Variants in WWOX observed in about 807,000 individuals in gnomAD.
The protein encoded by WWOX is WW domain containing oxidoreductase, also known as WW domain-containing oxidoreductase.
WWOX carries 69 observed loss-of-function variants against 46.2 expected under a neutral mutation model. The observed-to-expected ratio is 1.49, with a 90% CI of 1.23 to 1.82. WWOX has a LOEUF of 1.82. Ranked by LOEUF, WWOX falls within the 40% of genes most tolerant of loss-of-function variation. The pLI is 0.00. For missense variants in WWOX, 919 were observed against 542.6 expected, an observed-to-expected ratio of 1.69 and a Z score of -6.89; for synonymous variants, 359 against 202.6, an observed-to-expected ratio of 1.77 and a Z score of -6.56.
intron 8 of WWOX, among the ~76,000 whole-genome samples, chr16:79,202,015 T>C (rs1020722742): frequency 6.6e-6 from 1 of 152,060 alleles, no homozygotes; most frequent in African/African-American, 2.4e-5. Flanking sequence ...AGAGCAGAGA[T>C]TGACAAACTA....
chr16:78,750,812 A>G (rs1249388813), intron 8 of WWOX, among the ~76,000 whole-genome samples: 1 of 152,166 alleles, frequency 6.6e-6, no homozygotes, highest in Non-Finnish European at 1.5e-5. Context: ...CGTTGCTGCA[A>G]AGAACATGAT....
chr16:78,649,477 C>G (rs1007534391), intron 8 of WWOX, among the ~76,000 whole-genome samples: 1 of 151,792 alleles, frequency 6.6e-6, no homozygotes, highest in Non-Finnish European at 1.5e-5. Context: ...GGGTATTACT[C>G]TGTTGCCCAG....
At chr16:78,929,347 A>G (rs150113219) in intron 8 of WWOX, among the ~76,000 whole-genome samples, 3 of 152,076 alleles carry the variant, frequency 2.0e-5, no homozygotes, top group African/African-American at 7.2e-5. Flanking sequence ...TTCAGTTTCT[A>G]TATAGTGCAT....
intron 8 of WWOX, among the ~76,000 whole-genome samples, chr16:78,778,205 C>G (rs1295506008): frequency 6.6e-6 from 1 of 152,120 alleles, no homozygotes; most frequent in Non-Finnish European, 1.5e-5. Flanking sequence ...GATTTCCTAG[C>G]CATACCAGGC....
intron 5 of WWOX, among the ~76,000 whole-genome samples, chr16:78,175,237 A>G (rs2035301479): frequency 6.6e-6 from 1 of 152,056 alleles, no homozygotes; most frequent in African/African-American, 2.4e-5. Flanking sequence ...AGGGGGGTTC[A>G]TCTGGAGCTA....
chr16:79,207,764 A>C (rs1217321318), intron 8 of WWOX, among the ~76,000 whole-genome samples: 1 of 149,760 alleles, frequency 6.7e-6, no homozygotes, highest in African/African-American at 2.4e-5. Context: ...TAACCAATGC[A>C]TTACAAATAT....
chr16:78,982,067 A>G (rs1032543503), intron 8 of WWOX, among the ~76,000 whole-genome samples: 9 of 150,570 alleles, frequency 6.0e-5, no homozygotes, highest in Non-Finnish European at 3.0e-5. Flanking sequence ...TGTCTGTAGG[A>G]TTTGGCCCAT....
intron 8 of WWOX, among the ~76,000 whole-genome samples, chr16:79,165,861 A>G (rs1194839685): frequency 6.6e-6 from 1 of 152,188 alleles, no homozygotes; most frequent in African/African-American, 2.4e-5. Context: ...GTTATAACTC[A>G]GTCTAAGCAC....
chr16:78,837,318 C>T (rs187814114), intron 8 of WWOX, among the ~76,000 whole-genome samples: 42 of 152,264 alleles, frequency 2.8e-4, no homozygotes, highest in Non-Finnish European at 5.3e-4. Context: ...GAGAAGTGAA[C>T]GAGGCAGTGA....
intron 8 of WWOX, among the ~76,000 whole-genome samples, chr16:79,171,505 A>C (rs374312440): frequency 1.3e-5 from 2 of 152,136 alleles, no homozygotes; most frequent in Admixed American, 1.3e-4. Context: ...GAATTTAAAC[A>C]TTCCTTTTTT....
chr16:78,905,288 A>C (rs1455570091), intron 8 of WWOX, among the ~76,000 whole-genome samples: 1 of 152,206 alleles, frequency 6.6e-6, no homozygotes, highest in African/African-American at 2.4e-5. Context: ...GCCCACACAT[A>C]TTTACTTCCA....
intron 8 of WWOX, among the ~76,000 whole-genome samples, chr16:78,989,338 G>A (rs1309529973): frequency 6.6e-6 from 1 of 152,164 alleles, no homozygotes; most frequent in Non-Finnish European, 1.5e-5. Context: ...ATATATGTCT[G>A]ATGAACTCAT....
intron 8 of WWOX, among the ~76,000 whole-genome samples, chr16:78,523,767 T>TA (rs1328744031): frequency 6.6e-6 from 1 of 152,180 alleles, no homozygotes; most frequent in Admixed American, 6.5e-5. Flanking sequence ...ACGTCTGATT[T>TA]ATGAGAGCAT....
rs147685672 is a variant in WWOX, at chr16:78,215,119, C to T, written c.516+50830C>T. Among the ~76,000 whole-genome samples, 782 of 152,232 alleles carry T rather than the reference C, an allele frequency of 5.1e-3. 6 individuals carry two copies. Among genetic ancestry groups the T allele is most frequent in the Non-Finnish European group, 6.2e-3 (425 of 68,008 alleles). On this transcript the variant is annotated intron_variant, in intron 5 of 8. Coordinates refer to ENST00000566780, the MANE Select transcript of WWOX (RefSeq NM_016373.4). Reference sequence around the variant, plus strand: ...GAGGATGGAAGATTGCATGATATTTCTGGCTTTGCTCTTTGACTGTGTGCT... The same window carrying T: ...GAGGATGGAAGATTGCATGATATTTTTGGCTTTGCTCTTTGACTGTGTGCT...
At position 78,115,038 on chromosome 16, in the gene WWOX, C is replaced by T. The variant is rs144601717; in HGVS notation, c.293C>T (p.Pro98Leu). The change falls in exon 4 of 9, where the codon CCG becomes CTG. Residue 98 changes from proline (P) to leucine (L), a missense_variant. Pro to Leu is a moderately conservative substitution (Grantham distance 98). Transcript: ENST00000566780. ...PRLAFTVDDN[P>L]TKPTTRQRYD... ...CTGGCGTTTACTGTGGATGATAATC[C>T]GACCAAGCCAACCACCCGGCAAAGA... The T allele has an allele frequency of 0.014, 22,721 of 1,614,118 alleles. 192 individuals are homozygous for T. Among genetic ancestry groups the T allele is most frequent in the Middle Eastern group, 0.023 (142 of 6,062 alleles).
At chr16:78,594,198 A>C (rs551089882) in intron 8 of WWOX, among the ~76,000 whole-genome samples, 1 of 111,294 alleles carries the variant, frequency 9.0e-6, no homozygotes, top group South Asian at 2.4e-4. Context: ...GGGCCTTTTT[A>C]ACCCCATATA....
At chr16:78,453,705 C>A (rs1253195007) in intron 8 of WWOX, among the ~76,000 whole-genome samples, 1 of 152,030 alleles carries the variant, frequency 6.6e-6, no homozygotes, top group Non-Finnish European at 1.5e-5. Flanking sequence ...CAACACTGAT[C>A]AATTTTTTTC....
At chr16:79,069,294 G>T (rs2048503992) in intron 8 of WWOX, among the ~76,000 whole-genome samples, 2 of 152,182 alleles carry the variant, frequency 1.3e-5, no homozygotes, top group Non-Finnish European at 2.9e-5. Context: ...CTCAGCGAAG[G>T]CCGTGTGGCT....
At chr16:78,917,588 T>G (rs1375426802) in intron 8 of WWOX, among the ~76,000 whole-genome samples, 1 of 152,044 alleles carries the variant, frequency 6.6e-6, no homozygotes, top group Non-Finnish European at 1.5e-5. Flanking sequence ...ATCAAACATA[T>G]TTTCATTCTT....
Sources: gnomAD v4.1 joint callset for allele counts (sites outside exome capture counted in the v4.1 genomes callset) on GRCh38, gnomAD v4.1.1 for gene constraint, MANE v1.5 for transcripts, NCBI Gene and HGNC (gene_info 2026-07-23, HGNC 2026-07-21) for gene names.